Variants in CMPK1 observed in about 807,000 individuals in gnomAD.
The protein encoded by CMPK1 is UMP-CMP kinase.
In CMPK1, 10 loss-of-function variants were observed where a neutral mutation model predicts 25.7. That is an observed-to-expected ratio of 0.39 (90% confidence interval 0.24 to 0.66). CMPK1 has a LOEUF of 0.66. Among genes scored for constraint, CMPK1 ranks in the 30% least tolerant of loss-of-function variants. The probability of loss-of-function intolerance (pLI) is 0.48; values close to 1 mark genes in which losing one functional copy is unlikely to be tolerated. For synonymous variants in CMPK1, 106 were observed against 101.5 expected, an observed-to-expected ratio of 1.04 and a Z score of -0.27; for missense variants, 199 against 280.5, an observed-to-expected ratio of 0.71 and a Z score of 2.08.
At chr1:47,359,140 GA>G (rs1200903534) in intron 1 of CMPK1, among the ~76,000 whole-genome samples, 2 of 151,778 alleles carry the variant, frequency 1.3e-5, no homozygotes, top group Non-Finnish European at 2.9e-5. Context: ...AACATGGTGA[GA>G]CCCTGCCTGT....
intron 1 of CMPK1, among the ~76,000 whole-genome samples, chr1:47,349,094 G>A (rs1646504169): frequency 6.6e-6 from 1 of 152,112 alleles, no homozygotes; most frequent in Non-Finnish European, 1.5e-5. Context: ...AATCAAGGTG[G>A]GTCAAATATG....
At chr1:47,364,689 GC>G (rs1383599813) in intron 1 of CMPK1, among the ~76,000 whole-genome samples, 1 of 147,812 alleles carries the variant, frequency 6.8e-6, no homozygotes, top group African/African-American at 2.5e-5. Flanking sequence ...TATATTATAT[GC>G]CATAAGTTAT....
rs753230099 is a variant in CMPK1, at chr1:47,333,975, C to T, written c.30C>T (p.Leu10=). Residue 10 remains leucine, a synonymous_variant, in exon 1 of 6, where the codon CTC becomes CTT. Coordinates refer to ENST00000371873, the MANE Select transcript of CMPK1 (RefSeq NM_016308.3). MLSRCRSGL[L]HVLGLSFLLQ... ...TGAGCCGCTGCCGCAGCGGGCTGCTCCACGTCCTGGGCCTTAGCTTCCTGC... is the reference window on the plus strand; with the variant it reads ...TGAGCCGCTGCCGCAGCGGGCTGCTTCACGTCCTGGGCCTTAGCTTCCTGC... 2.0e-6 allele frequency: 3 copies of T among 1,514,180 alleles called. No homozygotes were observed. The highest frequency in any genetic ancestry group is 2.9e-5 in the African/African-American group (2 of 69,720). The allele number at this position is 1,514,180 out of a possible 1,614,324, so 93.8% of individuals were successfully genotyped here. A position where few individuals can be genotyped will look rare whatever the true frequency, so the allele number is the denominator to read the frequency against.
At chr1:47,352,095 C>T (rs945689393) in intron 1 of CMPK1, among the ~76,000 whole-genome samples, 5 of 152,074 alleles carry the variant, frequency 3.3e-5, no homozygotes, top group African/African-American at 1.2e-4. Context: ...TGAGATTGCG[C>T]CACTGCACTC....
At chr1:47,351,028 A>G (rs1052575399) in intron 1 of CMPK1, among the ~76,000 whole-genome samples, 4 of 152,178 alleles carry the variant, frequency 2.6e-5, no homozygotes, top group African/African-American at 9.7e-5. Context: ...TATAAGTAGA[A>G]TTATATGATA....
At chr1:47,374,396 C>A (rs1307237499) in intron 3 of CMPK1, among the ~76,000 whole-genome samples, 2 of 152,046 alleles carry the variant, frequency 1.3e-5, no homozygotes, top group Non-Finnish European at 2.9e-5. Context: ...TCTTCCAACC[C>A]CCCAAAATAT....
At chr1:47,351,952 G>A (rs1287002492) in intron 1 of CMPK1, among the ~76,000 whole-genome samples, 5 of 151,856 alleles carry the variant, frequency 3.3e-5, no homozygotes, top group Admixed American at 6.6e-5. Flanking sequence ...CCTGACCAAC[G>A]TAGTGAAACC....
At position 47,373,049 on chromosome 1, in the gene CMPK1, A is replaced by C. The variant is rs762579970; in HGVS notation, c.413A>C (p.Lys138Thr). ...CAAGACAACCTTCAAGGATGGAACAAGACCATGGATGGGAAGGCAGATGTA... is the reference window on the plus strand; with the variant it reads ...CAAGACAACCTTCAAGGATGGAACACGACCATGGATGGGAAGGCAGATGTA... Reference protein sequence around the residue: ...RNQDNLQGWNKTMDGKADVSF... With the variant: ...RNQDNLQGWNTTMDGKADVSF... Residue 138 changes from lysine (K) to threonine (T), a missense_variant, in exon 3 of 6, where the codon AAG (lysine) becomes ACG (threonine). Coordinates refer to ENST00000371873, the MANE Select transcript of CMPK1 (RefSeq NM_016308.3). 2 of 1,612,570 alleles carry C rather than the reference A, an allele frequency of 1.2e-6. No homozygotes were observed. Among genetic ancestry groups the C allele is most frequent in the South Asian group, 2.2e-5 (2 of 90,880 alleles).
chr1:47,378,484 A>G lies in CMPK1; in HGVS notation c.*1739A>G, dbSNP rs1646721980. 6.6e-6 allele frequency: 1 copy of G among 152,224 alleles called. No homozygotes were observed. Among genetic ancestry groups the G allele is most frequent in the Non-Finnish European group, 1.5e-5 (1 of 68,030 alleles). The allele number at this position is 152,224 out of a possible 1,614,324, so 9.4% of individuals were successfully genotyped here. On this transcript the variant is annotated 3_prime_UTR_variant, in exon 6 of 6. Coordinates refer to ENST00000371873, the MANE Select transcript of CMPK1 (RefSeq NM_016308.3). ...TGAAAGCAACCTTAAAGTTTTGAAG[A>G]AGACTGATGAGACTAGGTGCTTTGC...
At chr1:47,352,765 C>A (rs781167144) in intron 1 of CMPK1, among the ~76,000 whole-genome samples, 1 of 152,176 alleles carries the variant, frequency 6.6e-6, no homozygotes, top group Non-Finnish European at 1.5e-5. Flanking sequence ...AATCAAGAAC[C>A]AAGAGGCCCA....
At chr1:47,336,752 C>T (rs1201601197) in intron 1 of CMPK1, among the ~76,000 whole-genome samples, 2 of 152,312 alleles carry the variant, frequency 1.3e-5, no homozygotes, top group East Asian at 3.9e-4. Flanking sequence ...TCTCGAACTC[C>T]CAGACTCAAG....
rs1322873612 is a variant in CMPK1 at position 47,344,646 on chromosome 1, AC to A, written c.171+10531del. ...CCCAAGTAGCTGGGATTACAGGCAC[AC>A]ACCACCATACCTGGCTAATTTTTGT... On this transcript the variant is annotated intron_variant, in intron 1 of 5. Transcript: ENST00000371873. 4.0e-5 allele frequency among the ~76,000 whole-genome samples: 6 copies of A among 150,482 alleles called. No individual in the cohort carries two copies. In the South Asian group the frequency reaches 8.5e-4, roughly 21 times the overall value.
At chr1:47,355,875 G>T (rs1338260731) in intron 1 of CMPK1, among the ~76,000 whole-genome samples, 1 of 152,170 alleles carries the variant, frequency 6.6e-6, no homozygotes, top group Non-Finnish European at 1.5e-5. Flanking sequence ...AAAGTGCTGG[G>T]ATTACAGGTG....
At chr1:47,342,275 T>C (rs528768179) in intron 1 of CMPK1, among the ~76,000 whole-genome samples, 222 of 151,848 alleles carry the variant, frequency 1.5e-3, no homozygotes, top group Admixed American at 2.0e-3. Context: ...AGAGACAGGG[T>C]TTCACCATGT....
chr1:47,346,952 T>A (rs918016163), intron 1 of CMPK1, among the ~76,000 whole-genome samples: 6 of 151,856 alleles, frequency 4.0e-5, no homozygotes, highest in African/African-American at 1.2e-4. Flanking sequence ...CCCGGCTAAT[T>A]TTTGTATTTT....
intron 1 of CMPK1, among the ~76,000 whole-genome samples, chr1:47,354,850 A>C (rs1167283982): frequency 6.6e-6 from 1 of 152,172 alleles, no homozygotes; most frequent in Non-Finnish European, 1.5e-5. Context: ...TACTGAGTCA[A>C]AGTTTGAGCA....
At chr1:47,353,191 A>C (rs758927453) in intron 1 of CMPK1, among the ~76,000 whole-genome samples, 1 of 152,234 alleles carries the variant, frequency 6.6e-6, no homozygotes, top group Non-Finnish European at 1.5e-5. Context: ...CATTTCTAGA[A>C]TATCTTGCTT....
At chr1:47,344,036 T>C (rs1646464608) in intron 1 of CMPK1, among the ~76,000 whole-genome samples, 1 of 151,142 alleles carries the variant, frequency 6.6e-6, no homozygotes, top group Non-Finnish European at 1.5e-5. Flanking sequence ...CCACTGCGCT[T>C]CAGCCTGTGC....
intron 1 of CMPK1, among the ~76,000 whole-genome samples, chr1:47,364,238 A>G (rs1646623372): frequency 6.6e-6 from 1 of 152,214 alleles, no homozygotes; most frequent in Non-Finnish European, 1.5e-5. Context: ...TTAGTCTTCG[A>G]TGCTTCATAG....
Sources: gnomAD v4.1 joint callset for allele counts (sites outside exome capture counted in the v4.1 genomes callset) on GRCh38, gnomAD v4.1.1 for gene constraint, MANE v1.5 for transcripts, NCBI Gene and HGNC (gene_info 2026-07-23, HGNC 2026-07-21) for gene names.